Variants in C6 observed in about 807,000 individuals in gnomAD.
The protein encoded by C6 is complement C6.
A neutral mutation model predicts 112.9 loss-of-function variants in C6; 101 were observed. The observed-to-expected ratio is 0.89, with a 90% CI of 0.76 to 1.06. The LOEUF (loss-of-function observed/expected upper bound fraction) is 1.06. Ranked by LOEUF, C6 falls within the 50% of genes least tolerant of loss-of-function variation. The pLI is 0.00. For synonymous variants in C6, 431 were observed against 384.1 expected (o/e 1.12, Z -1.43); for missense variants, 1,202 against 1,104.6 (o/e 1.09, Z -1.25).
At chr5:41,240,136 G>A (rs1182920697) in intron 1 of C6, among the ~76,000 whole-genome samples, 1 of 152,096 alleles carries the variant, frequency 6.6e-6, no homozygotes, top group Non-Finnish European at 1.5e-5. Context: ...GGCTTGAAAA[G>A]GTTTTTAGCT....
At chr5:41,155,454 G>C (rs1746807122) in intron 13 of C6, among the ~76,000 whole-genome samples, 1 of 152,096 alleles carries the variant, frequency 6.6e-6, no homozygotes, top group African/African-American at 2.4e-5. Flanking sequence ...TTGAGAGGCT[G>C]AGGCACATGG....
chr5:41,240,606 C>T (rs1458288067), intron 1 of C6, among the ~76,000 whole-genome samples: 1 of 152,162 alleles, frequency 6.6e-6, no homozygotes, highest in Non-Finnish European at 1.5e-5. Context: ...GCAGGCTGGG[C>T]TGACCCATCT....
At chr5:41,170,887 A>G (rs1748374894) in intron 9 of C6, among the ~76,000 whole-genome samples, 1 of 152,150 alleles carries the variant, frequency 6.6e-6, no homozygotes, top group Non-Finnish European at 1.5e-5. Context: ...AGGAGAGAGC[A>G]TGACTTGTTT....
chr5:41,200,000 G>A, intron 3 of C6, 88 bp from the exon 4 acceptor site: 1 of 1,181,940 alleles, frequency 8.5e-7, no homozygotes. Flanking sequence ...AATCACAACA[G>A]TGATTTTTCC....
chr5:41,211,921 G>A (rs1004938272), intron 1 of C6, among the ~76,000 whole-genome samples: 1 of 152,088 alleles, frequency 6.6e-6, no homozygotes, highest in African/African-American at 2.4e-5. Flanking sequence ...AGCTTGAAAG[G>A]TATGGGTGAG....
intron 1 of C6, among the ~76,000 whole-genome samples, chr5:41,209,286 A>G (rs1193660795): frequency 6.6e-6 from 1 of 152,204 alleles, no homozygotes; most frequent in Non-Finnish European, 1.5e-5. Context: ...TAAAAACTGG[A>G]AGCATTCCCT....
intron 1 of C6, among the ~76,000 whole-genome samples, chr5:41,230,568 G>A (rs566247378): frequency 8.5e-5 from 13 of 152,122 alleles, no homozygotes; most frequent in African/African-American, 1.4e-4. Context: ...TTCTTGTTAA[G>A]ATGTTTATCA....
chr5:41,206,532 T>A (rs1274731169), intron 1 of C6, among the ~76,000 whole-genome samples: 5 of 152,264 alleles, frequency 3.3e-5, no homozygotes, highest in Admixed American at 6.5e-5. Flanking sequence ...AGACCTTAAA[T>A]GACCTGATGG....
chr5:41,171,489 G>A (rs1430057501), intron 9 of C6, among the ~76,000 whole-genome samples: 1 of 152,156 alleles, frequency 6.6e-6, no homozygotes, highest in African/African-American at 2.4e-5. Context: ...AATATGTGAA[G>A]CATTGTAGCC....
intron 6 of C6, among the ~76,000 whole-genome samples, chr5:41,184,308 T>C (rs1289992530): frequency 6.6e-6 from 1 of 152,122 alleles, no homozygotes; most frequent in Non-Finnish European, 1.5e-5. Flanking sequence ...ACCCACTGTG[T>C]GGAGTTTTAA....
intron 1 of C6, among the ~76,000 whole-genome samples, chr5:41,241,339 T>A (rs1443006589): frequency 6.6e-6 from 1 of 152,176 alleles, no homozygotes; most frequent in Non-Finnish European, 1.5e-5. Context: ...CAATAAAATT[T>A]TATGAGCTTA....
intron 15 of C6, among the ~76,000 whole-genome samples, chr5:41,151,115 C>T (rs1265171668): frequency 6.6e-6 from 1 of 151,908 alleles, no homozygotes; most frequent in African/African-American, 2.4e-5. Context: ...CAAAATCAGC[C>T]CTCGATTTTG....
chr5:41,178,494 G>A (rs1266279809), intron 7 of C6, among the ~76,000 whole-genome samples: 19 of 49,448 alleles, frequency 3.8e-4, no homozygotes, highest in Non-Finnish European at 3.4e-4. Flanking sequence ...TTTGTGAGAT[G>A]GAGACAGAGC....
At chr5:41,246,999 A>C (rs1377870457) in intron 1 of C6, among the ~76,000 whole-genome samples, 1 of 152,212 alleles carries the variant, frequency 6.6e-6, no homozygotes, top group Non-Finnish European at 1.5e-5. Flanking sequence ...ATTAATAATA[A>C]AAATTTTGGT....
intron 9 of C6, among the ~76,000 whole-genome samples, chr5:41,170,440 G>A (rs1026671667): frequency 5.3e-5 from 8 of 151,762 alleles, no homozygotes; most frequent in Non-Finnish European, 7.4e-5. Flanking sequence ...GTCTATCTCT[G>A]AGTTCTTGAT....
At chr5:41,241,149 C>CCAG (rs1740687771) in intron 1 of C6, among the ~76,000 whole-genome samples, 1 of 152,096 alleles carries the variant, frequency 6.6e-6, no homozygotes, top group South Asian at 2.1e-4. Flanking sequence ...TTGGCATGCC[C>CCAG]CAGCAGCAGC....
intron 1 of C6, among the ~76,000 whole-genome samples, chr5:41,236,762 C>A (rs1269687721): frequency 7.1e-6 from 1 of 140,706 alleles, no homozygotes; most frequent in Non-Finnish European, 1.5e-5. Flanking sequence ...CACAAAAAAT[C>A]CTTCAAAAAA....
intron 16 of C6, 24 bp downstream of exon 16, chr5:41,149,909 GAC>G (rs745750035): frequency 3.3e-6 from 5 of 1,515,534 alleles, no homozygotes; most frequent in Non-Finnish European, 4.6e-6. Flanking sequence ...CCAATTTCCA[GAC>G]ACAGTCTGTA....
At chr5:41,156,455 A>C (rs1746921105) in intron 13 of C6, among the ~76,000 whole-genome samples, 1 of 152,178 alleles carries the variant, frequency 6.6e-6, no homozygotes, top group African/African-American at 2.4e-5. Flanking sequence ...ATAAATCTTT[A>C]CACAGGCCTT....
Sources: allele counts gnomAD v4.1 joint callset (sites outside exome capture counted in the v4.1 genomes callset), GRCh38; gene constraint gnomAD v4.1.1; transcripts MANE v1.5; gene names NCBI Gene and HGNC (gene_info 2026-07-23, HGNC 2026-07-21).